PPM1K: variants seen among roughly 807,000 people sequenced by gnomAD.
The protein encoded by PPM1K is protein phosphatase, Mg2+/Mn2+ dependent 1K, also known as protein phosphatase Mn(2+)-dependent 1K.
In PPM1K, 19 loss-of-function variants were observed where a neutral mutation model predicts 32.6. The ratio of observed to expected loss-of-function variants is 0.58; its 90% CI spans 0.41 to 0.86. PPM1K has a LOEUF of 0.86. Among genes scored for constraint, PPM1K ranks in the 40% least tolerant of loss-of-function variants. PPM1K has a pLI of 0.00. For missense variants in PPM1K, 362 were observed against 461.2 expected, an observed-to-expected ratio of 0.78 and a Z score of 1.97; for synonymous variants, 159 against 165.3, an observed-to-expected ratio of 0.96 and a Z score of 0.29.
chr4:88,269,270 T>C (rs1731462547), intron 3 of PPM1K, among the ~76,000 whole-genome samples: 1 of 152,122 alleles, frequency 6.6e-6, no homozygotes, highest in Non-Finnish European at 1.5e-5. Flanking sequence ...TTTAATTAGG[T>C]TGGCTATGAT....
chr4:88,274,042 C>T (rs1731668702), intron 3 of PPM1K, among the ~76,000 whole-genome samples: 1 of 152,170 alleles, frequency 6.6e-6, no homozygotes, highest in African/African-American at 2.4e-5. Flanking sequence ...CAGGAGAGAG[C>T]TTTTCTCTTT....
At position 88,262,276 on chromosome 4, in the gene PPM1K, C is replaced by A; in HGVS notation, c.*319G>T. ...CAAATGAATAAAGAACAAAAATGAT[C>A]AAAAGAAACCCATAGCTGCCTAAGA... On this transcript the variant is annotated 3_prime_UTR_variant, in exon 7 of 7. Coordinates refer to ENST00000608933, the MANE Select transcript of PPM1K (RefSeq NM_152542.5). The A allele has an allele frequency of 5.9e-6, 1 of 170,156 alleles. No individual in the cohort carries two copies. The highest frequency in any genetic ancestry group is 1.6e-4 in the East Asian group (1 of 6,212). The allele number at this position is 170,156 out of a possible 1,614,324, so 10.5% of individuals were successfully genotyped here.
At chr4:88,279,355 G>T (rs1560494044) in intron 1 of PPM1K, 1 of 152,028 alleles carries the variant, frequency 6.6e-6, no homozygotes, top group Non-Finnish European at 1.5e-5. Context: ...ATATAAATTG[G>T]TGTGCAAACA....
intron 1 of PPM1K, among the ~76,000 whole-genome samples, chr4:88,283,548 G>C (rs1039542787): frequency 1.3e-5 from 2 of 152,268 alleles, no homozygotes; most frequent in African/African-American, 4.8e-5. Context: ...AGAAAAGCCC[G>C]TGGAGCTTTT....
intron 1 of PPM1K, 117 bp downstream of exon 1, chr4:88,284,289 C>T (rs567138938): frequency 6.6e-6 from 1 of 152,502 alleles, no homozygotes; most frequent in Admixed American, 6.5e-5. Context: ...AAACCGACGT[C>T]TCCCCTTCGA....
At position 88,265,206 on chromosome 4, in the gene PPM1K, A is replaced by AT. The variant is rs146146455; in HGVS notation, c.853-72dup. On this transcript the variant is annotated intron_variant, in intron 5 of 6. Transcript: ENST00000608933. ...TTAGCACAATCTCGCTAATTCAAAG[A>AT]TTTTACCTGTTTTGCTAAGCGGTCA... The AT allele has an allele frequency of 4.8e-3, 7,552 of 1,577,586 alleles. 266 individuals carry two copies. The African/African-American group carries it at 0.082, about 17-fold the overall frequency.
chr4:88,278,809 A>G lies in PPM1K; in HGVS notation c.-59-167T>C. ...ATAAAGGATTTGACAGAAAATACAT[A>G]TATTTATGTTATATATTGGGTAGGC... On this transcript the variant is annotated intron_variant, in intron 1 of 6. Coordinates refer to ENST00000608933, the MANE Select transcript of PPM1K (RefSeq NM_152542.5). The surrounding 1 kb of genome is among the most constrained non-coding windows in gnomAD (Gnocchi z 4.2). 1 of 520,260 alleles carries G rather than the reference A, an allele frequency of 1.9e-6. No individual in the cohort carries two copies. The highest frequency in any genetic ancestry group is 3.4e-6 in the Non-Finnish European group (1 of 293,922). 32.2% of individuals were successfully genotyped at this position (520,260 alleles called of 1,614,324 possible).
At chr4:88,277,110 C>T in intron 3 of PPM1K, 33 bp downstream of exon 3, 1 of 1,540,878 alleles carries the variant, frequency 6.5e-7, no homozygotes, top group Non-Finnish European at 9.0e-7. Flanking sequence ...CATGTACTCC[C>T]TAGGATCCAA....
At chr4:88,283,072 T>C (rs1732080382) in intron 1 of PPM1K, among the ~76,000 whole-genome samples, 2 of 152,226 alleles carry the variant, frequency 1.3e-5, no homozygotes, top group Admixed American at 1.3e-4. Flanking sequence ...GCTGCTCTTC[T>C]TCCTGCCACA....
At chr4:88,274,305 A>C (rs969851148) in intron 3 of PPM1K, among the ~76,000 whole-genome samples, 10 of 152,244 alleles carry the variant, frequency 6.6e-5, no homozygotes, top group African/African-American at 2.4e-4. Flanking sequence ...ATTAAAATGC[A>C]AACATTTTAT....
At chr4:88,267,351 C>T (rs1731377227) in intron 5 of PPM1K, among the ~76,000 whole-genome samples, 1 of 146,626 alleles carries the variant, frequency 6.8e-6, no homozygotes, top group African/African-American at 2.6e-5. Context: ...TGATTGGATG[C>T]AGGTGATGCT....
At position 88,271,080 on chromosome 4, in the gene PPM1K, G is replaced by A. The variant is rs771232830; in HGVS notation, c.542-2174C>T. 1.5e-5 allele frequency: 8 copies of A among 518,628 alleles called. No individual in the cohort carries two copies. In the East Asian group the frequency reaches 1.6e-4, roughly 11 times the overall value. 32.1% of individuals were successfully genotyped at this position (518,628 alleles called of 1,614,324 possible). A position where few individuals can be genotyped will look rare whatever the true frequency, so the allele number is the denominator to read the frequency against. The stretch of plus-strand genomic sequence containing the variant: ...CTTCCCGTAGTCCAGGATAGGAACC[G>A]CTGGACTCCTTCACCTGGGACAAAA... On this transcript the variant is annotated intron_variant, in intron 3 of 6. Coordinates refer to ENST00000608933, the MANE Select transcript of PPM1K (RefSeq NM_152542.5).
chr4:88,272,282 A>C (rs1027278299), intron 3 of PPM1K, among the ~76,000 whole-genome samples: 1 of 152,186 alleles, frequency 6.6e-6, no homozygotes, highest in African/African-American at 2.4e-5. Context: ...GGATTCAAAA[A>C]TGCTGTGTTT....
chr4:88,278,793 T>C lies in PPM1K; in HGVS notation c.-59-151A>G. On this transcript the variant is annotated intron_variant, in intron 1 of 6. Transcript: ENST00000608933. This position sits in a 1 kb window ranked among gnomAD's most constrained non-coding sequence, Gnocchi z 4.2. Reference sequence around the variant, plus strand: ...ACCAAAAATGAAGCTCATAAAGGATTTGACAGAAAATACATATATTTATGT... The same window carrying C: ...ACCAAAAATGAAGCTCATAAAGGATCTGACAGAAAATACATATATTTATGT... 1.8e-6 allele frequency: 1 copy of C among 544,478 alleles called. No homozygotes were observed. The highest frequency in any genetic ancestry group is 3.2e-6 in the Non-Finnish European group (1 of 309,158). 33.7% of individuals were successfully genotyped at this position (544,478 alleles called of 1,614,324 possible).
chr4:88,274,412 T>C (rs1262329188), intron 3 of PPM1K, among the ~76,000 whole-genome samples: 1 of 152,132 alleles, frequency 6.6e-6, no homozygotes, highest in Non-Finnish European at 1.5e-5. Flanking sequence ...TCAATCCAAA[T>C]AATTATTGAG....
At chr4:88,280,862 A>T (rs569932315) in intron 1 of PPM1K, among the ~76,000 whole-genome samples, 1 of 152,300 alleles carries the variant, frequency 6.6e-6, no homozygotes, top group South Asian at 2.1e-4. Flanking sequence ...AAAAAAAGAG[A>T]GAGAGAGCGA....
intron 3 of PPM1K, chr4:88,271,050 G>A (rs1411946302): frequency 1.9e-6 from 1 of 517,924 alleles, no homozygotes; most frequent in Non-Finnish European, 3.9e-6. Context: ...AAGAGATGTG[G>A]GAACCTTCCC....
chr4:88,284,306 G>A (rs1021954126), intron 1 of PPM1K, 100 bp downstream of exon 1: 8 of 152,294 alleles, frequency 5.3e-5, no homozygotes, highest in African/African-American at 1.9e-4. Flanking sequence ...TCGACCTCCC[G>A]GGAAACCCTT....
Position 88,278,301 on chromosome 4 carries a change from C to A in PPM1K, c.283G>T (p.Val95Leu). The part of the protein sequence containing the change: ...KPIPKISLEN[V>L]GCASQIGKRK... ...TTGCCAATCTGTGAGGCGCACCCCACATTTTCCAAGCTGATTTTGGGAATT... is the reference window on the plus strand; with the variant it reads ...TTGCCAATCTGTGAGGCGCACCCCAAATTTTCCAAGCTGATTTTGGGAATT... Residue 95 changes from valine to leucine, a missense_variant, in exon 2 of 7, where the codon GTG (valine) becomes TTG (leucine). Coordinates refer to ENST00000608933, the MANE Select transcript of PPM1K (RefSeq NM_152542.5). This position sits in a 1 kb window ranked among gnomAD's most constrained non-coding sequence, Gnocchi z 4.2. 6.2e-7 allele frequency: 1 copy of A among 1,614,210 alleles called. No homozygotes were observed. Among genetic ancestry groups the A allele is most frequent in the Non-Finnish European group, 8.5e-7 (1 of 1,180,046 alleles).
Sources: allele counts gnomAD v4.1 joint callset (sites outside exome capture counted in the v4.1 genomes callset), GRCh38; gene constraint gnomAD v4.1.1; non-coding constraint Gnocchi (gnomAD v3.1); transcripts MANE v1.5; gene names NCBI Gene and HGNC (gene_info 2026-07-23, HGNC 2026-07-21).